The following KRT76 variants were observed in gnomAD, a reference collection of about 807,000 sequenced individuals.
KRT76 encodes the protein keratin 76.
KRT76 carries 47 observed loss-of-function variants against 44.9 expected under a neutral mutation model. That is an observed-to-expected ratio of 1.05 (90% confidence interval 0.83 to 1.33). The LOEUF (loss-of-function observed/expected upper bound fraction) is 1.33, where lower values mean the gene tolerates loss of function less well. KRT76 is among the 40% of genes most tolerant of loss of function. The pLI is 0.00. For synonymous variants in KRT76, 331 were observed against 294.1 expected, an observed-to-expected ratio of 1.13 and a Z score of -1.28; for missense variants, 860 against 775.8, an observed-to-expected ratio of 1.11 and a Z score of -1.29.
At chr12:52,774,616 G>A (rs1230088640) in intron 2 of KRT76, among the ~76,000 whole-genome samples, 1 of 152,138 alleles carries the variant, frequency 6.6e-6, no homozygotes, top group African/African-American at 2.4e-5. Context: ...TTTCCTCTAG[G>A]AGAAAAGAGG....
At position 52,768,615 on chromosome 12, in the gene KRT76, G is replaced by A; in HGVS notation, c.*98C>T. 3 of 1,379,914 alleles carry A rather than the reference G, an allele frequency of 2.2e-6. No homozygotes were observed. Among genetic ancestry groups the A allele is most frequent in the Middle Eastern group, 1.9e-4 (1 of 5,314 alleles). 85.5% of individuals were successfully genotyped at this position (1,379,914 alleles called of 1,614,324 possible). On this transcript the variant is annotated 3_prime_UTR_variant, in exon 9 of 9. Transcript: ENST00000332411. ...TCCAGGGAACTTGAGGAAAAATGTGGTTGACCCTTATGCATCTATTGATGC... is the reference window on the plus strand; with the variant it reads ...TCCAGGGAACTTGAGGAAAAATGTGATTGACCCTTATGCATCTATTGATGC...
chr12:52,771,235 A>T lies in KRT76; in HGVS notation c.1264-16T>A. The T allele has an allele frequency of 6.2e-7, 1 of 1,613,162 alleles. No homozygotes were observed. Among genetic ancestry groups the T allele is most frequent in the Non-Finnish European group, 8.5e-7 (1 of 1,179,344 alleles). ...GGTTGGCATTCTGAGGTAGAAAATCAATTAGCATAGTGACCCGGAAACAAA... is the reference window on the plus strand; with the variant it reads ...GGTTGGCATTCTGAGGTAGAAAATCTATTAGCATAGTGACCCGGAAACAAA... On this transcript the variant is annotated splice_polypyrimidine_tract_variant and intron_variant, in intron 6 of 8. Coordinates refer to ENST00000332411, the MANE Select transcript of KRT76 (RefSeq NM_015848.4).
intron 2 of KRT76, among the ~76,000 whole-genome samples, chr12:52,774,719 G>A (rs578067886): frequency 2.6e-5 from 4 of 152,334 alleles, no homozygotes; most frequent in African/African-American, 7.2e-5. Flanking sequence ...TGCCCACCAC[G>A]TTTGTGTGGT....
At chr12:52,769,132 A>T in intron 8 of KRT76, 22 bp from the exon 9 acceptor site, 1 of 681,942 alleles carries the variant, frequency 1.5e-6, no homozygotes, top group Non-Finnish European at 2.8e-6. Context: ...CAGGCACACA[A>T]TTCAGGCAAA....
Position 52,775,486 on chromosome 12 carries a change from G to A in KRT76, c.717C>T (p.Ser239=), listed in dbSNP as rs1393420838. ...GTGAATCTAGCTGCTTGCATAGGAAGCTGATGTAGGATTCAAAACAAGGCT... is the reference window on the plus strand; with the variant it reads ...GTGAATCTAGCTGCTTGCATAGGAAACTGATGTAGGATTCAAAACAAGGCT... ...SLEPCFESYI[S]FLCKQLDSLL... is the part of the protein sequence containing the mutation. Residue 239 remains serine (S), a synonymous_variant, in exon 2 of 9, where the codon AGC becomes AGT. Coordinates refer to ENST00000332411, the MANE Select transcript of KRT76 (RefSeq NM_015848.4). 2 of 1,614,186 alleles carry A rather than the reference G, an allele frequency of 1.2e-6. No individual in the cohort carries two copies. The highest frequency in any genetic ancestry group is 1.3e-5 in the African/African-American group (1 of 75,058).
intron 4 of KRT76, 96 bp from the exon 5 acceptor site, chr12:52,772,354 G>A (rs750250693): frequency 1.6e-6 from 2 of 1,239,154 alleles, no homozygotes; most frequent in Admixed American, 2.6e-5. Flanking sequence ...TGGGGCTAGA[G>A]GTGGATCAGT....
intron 7 of KRT76, among the ~76,000 whole-genome samples, chr12:52,770,639 G>T (rs1275073993): frequency 1.3e-5 from 2 of 152,110 alleles, no homozygotes; most frequent in African/African-American, 2.4e-5. Flanking sequence ...CAGGGCTCAA[G>T]TGGCCAGTGG....
At position 52,768,415 on chromosome 12, in the gene KRT76, T is replaced by G; in HGVS notation, c.*298A>C. The G allele has an allele frequency of 3.1e-6, 1 of 327,626 alleles. No homozygotes were observed. The highest frequency in any genetic ancestry group is 5.6e-6 in the Non-Finnish European group (1 of 177,304). 20.3% of individuals were successfully genotyped at this position (327,626 alleles called of 1,614,324 possible). A position where few individuals can be genotyped will look rare whatever the true frequency, so the allele number is the denominator to read the frequency against. The stretch of plus-strand genomic sequence containing the variant: ...AGTAAGAAAGGGAGATGGGCCAGAG[T>G]GGGAACAGGCCAGGCTGTGAAGGCC... On this transcript the variant is annotated 3_prime_UTR_variant, in exon 9 of 9. Transcript: ENST00000332411.
In KRT76 at chr12:52,768,349, C is replaced by T. The variant is rs1307262805; in HGVS notation, c.*364G>A. 3 of 205,052 alleles carry T rather than the reference C, an allele frequency of 1.5e-5. 1 individual carries two copies. Among genetic ancestry groups the T allele is most frequent in the Admixed American group, 1.0e-4 (2 of 19,234 alleles). The allele number at this position is 205,052 out of a possible 1,614,324, so 12.7% of individuals were successfully genotyped here. A position where few individuals can be genotyped will look rare whatever the true frequency, so the allele number is the denominator to read the frequency against. On this transcript the variant is annotated 3_prime_UTR_variant, in exon 9 of 9. Coordinates refer to ENST00000332411, the MANE Select transcript of KRT76 (RefSeq NM_015848.4). The stretch of plus-strand genomic sequence containing the variant: ...ACAGAACCCATGGCTCTGCCCTCCT[C>T]AGACAGTGCTGAGATGACTGGCTTC...
intron 8 of KRT76, among the ~76,000 whole-genome samples, 158 bp downstream of exon 8, chr12:52,769,391 G>A (rs891477622): frequency 1.3e-5 from 2 of 152,188 alleles, no homozygotes; most frequent in African/African-American, 4.8e-5. Context: ...TTACACTAGG[G>A]GCAGAGCATG....
At chr12:52,771,280 G>A (rs1006354481) in intron 6 of KRT76, 61 bp from the exon 7 acceptor site, 3 of 1,480,590 alleles carry the variant, frequency 2.0e-6, no homozygotes, top group Non-Finnish European at 9.4e-7. Flanking sequence ...CTTACTAGGA[G>A]TAGATCTCTT....
In KRT76 at chr12:52,777,032, C is replaced by T; in HGVS notation, c.260G>A (p.Ser87Asn). 2 of 1,614,092 alleles carry T rather than the reference C, an allele frequency of 1.2e-6. No individual in the cohort carries two copies. The highest frequency in any genetic ancestry group is 2.7e-5 in the African/African-American group (2 of 75,064). Residue 87 changes from serine to asparagine, a missense_variant, in exon 1 of 9, where the codon AGC becomes AAC. Physicochemically the swap from Ser to Asn is conservative, Grantham distance 46 (BLOSUM62 1). Coordinates refer to ENST00000332411, the MANE Select transcript of KRT76 (RefSeq NM_015848.4). ...TCCATAGCCACCTGCAAAGCCACAG[C>T]TGCTCCGCCCTCCCCCAAAGCCTCC... ...RAGGFGGGRS[S>N]CGFAGGYGGG...
At position 52,770,829 on chromosome 12, in the gene KRT76, T is replaced by A. The variant is rs546507322; in HGVS notation, c.1484+170A>T. ...GTCCATTAAACATTTGAGAGTTGGA[T>A]GATCTTGATGGACATAAAATAGTGG... On this transcript the variant is annotated intron_variant, in intron 7 of 8. Transcript: ENST00000332411. Among the ~76,000 whole-genome samples, 8 of 152,356 alleles carry A rather than the reference T, an allele frequency of 5.3e-5. No individual in the cohort carries two copies. In the South Asian group the frequency reaches 1.7e-3, roughly 32 times the overall value.
intron 8 of KRT76, 30 bp downstream of exon 8, chr12:52,769,519 G>C: frequency 6.2e-7 from 1 of 1,602,402 alleles, no homozygotes; most frequent in Non-Finnish European, 8.6e-7. Context: ...TTACAACCCA[G>C]GGAGAGGGTT....
intron 2 of KRT76, 142 bp from the exon 3 acceptor site, chr12:52,773,784 A>T: frequency 1.9e-6 from 1 of 532,032 alleles, no homozygotes; most frequent in Non-Finnish European, 3.4e-6. Context: ...CCCTGGGCTC[A>T]GGGTCCTCAC....
chr12:52,772,086 G>C lies in KRT76; in HGVS notation c.1137+8C>G, dbSNP rs373242440. On this transcript the variant is annotated splice_region_variant and intron_variant, in intron 5 of 8. Coordinates refer to ENST00000332411, the MANE Select transcript of KRT76 (RefSeq NM_015848.4). ...ATCAGGATCCAAGGACACAGGGAGGGTTCCCACCTTGGTCTGGTACAGGGC... is the reference window on the plus strand; with the variant it reads ...ATCAGGATCCAAGGACACAGGGAGGCTTCCCACCTTGGTCTGGTACAGGGC... The C allele has an allele frequency of 9.3e-6, 15 of 1,607,804 alleles. No individual in the cohort carries two copies. The African/African-American group carries it at 9.4e-5, about 10-fold the overall frequency.
In KRT76 at chr12:52,775,610, A is replaced by G. The variant is rs1939250346; in HGVS notation, c.601-8T>C. The G allele has an allele frequency of 3.1e-6, 5 of 1,611,596 alleles. No homozygotes were observed. The highest frequency in any genetic ancestry group is 4.2e-6 in the Non-Finnish European group (5 of 1,179,006). ...CTGTTCCAGGAACCGCACCTGCATG[A>G]AAGAGGGGAGAAAAGGAGTCAGCCC... On this transcript the variant is annotated splice_polypyrimidine_tract_variant and splice_region_variant and intron_variant, in intron 1 of 8. Transcript: ENST00000332411.
intron 1 of KRT76, 57 bp downstream of exon 1, chr12:52,776,635 T>C: frequency 6.2e-7 from 1 of 1,612,216 alleles, no homozygotes; most frequent in Non-Finnish European, 8.5e-7. Context: ...GGCATCTTTC[T>C]ACACCGACCC....
chr12:52,770,132 A>G (rs6421172), intron 7 of KRT76, among the ~76,000 whole-genome samples: 139,320 of 152,210 alleles, frequency 0.92, 64,108 homozygotes, highest in Non-Finnish European at 0.96. Flanking sequence ...GAGCAGGCAC[A>G]TCCACATATC....
Sources: allele counts gnomAD v4.1 joint callset (sites outside exome capture counted in the v4.1 genomes callset), GRCh38; gene constraint gnomAD v4.1.1; transcripts MANE v1.5; gene names NCBI Gene and HGNC (gene_info 2026-07-23, HGNC 2026-07-21).